Variants in TNFRSF4 observed in about 807,000 individuals in gnomAD.
TNFRSF4 encodes the protein tumor necrosis factor receptor superfamily member 4.
In TNFRSF4, 21 loss-of-function variants were observed where a neutral mutation model predicts 29.5. The observed-to-expected ratio is 0.71, with a 90% CI of 0.51 to 1.03. The LOEUF is 1.03. Ranked by LOEUF, TNFRSF4 falls within the 50% of genes least tolerant of loss-of-function variation. The pLI, the probability that TNFRSF4 is intolerant of heterozygous loss-of-function variation, is 0.00. For synonymous variants in TNFRSF4, 197 were observed against 172.7 expected, an observed-to-expected ratio of 1.14 and a Z score of -1.10; for missense variants, 408 against 387.8, an observed-to-expected ratio of 1.05 and a Z score of -0.44.
At chr1:1,212,596 ACC>A (rs33986159) in intron 4 of TNFRSF4, 40 bp downstream of exon 4, 4 of 845,422 alleles carry the variant, frequency 4.7e-6, no homozygotes, top group Non-Finnish European at 4.6e-6. Context: ...AACCACCCCA[ACC>A]CCCCCCCAGC....
rs185706311 is a variant in TNFRSF4 at position 1,213,251 on chromosome 1, C to T, written c.269-158G>A. The stretch of plus-strand genomic sequence containing the variant: ...TGAGACTTGGAGCCCCTGCAGCCCC[C>T]GAGGCTCCTGGGCCCTCCCTTCCTG... On this transcript the variant is annotated intron_variant, in intron 2 of 6. Coordinates refer to ENST00000379236, the MANE Select transcript of TNFRSF4 (RefSeq NM_003327.4). The T allele has an allele frequency of 4.4e-4, 674 of 1,533,558 alleles. 5 individuals carry two copies. In the African/African-American group the frequency reaches 7.6e-3, roughly 17 times the overall value. 95.0% of individuals were successfully genotyped at this position (1,533,558 alleles called of 1,614,324 possible).
At chr1:1,212,351 G>C (rs1217658682) in intron 4 of TNFRSF4, among the ~76,000 whole-genome samples, 1 of 151,076 alleles carries the variant, frequency 6.6e-6, no homozygotes, top group Non-Finnish European at 1.5e-5. Context: ...CCCCCCACCA[G>C]CACCTCCCTG....
At chr1:1,212,808 T>C (rs1000558686) in intron 3 of TNFRSF4, 104 bp from the exon 4 acceptor site, 22 of 1,257,558 alleles carry the variant, frequency 1.7e-5, no homozygotes, top group Non-Finnish European at 2.4e-5. Context: ...GGCTGGGTGG[T>C]GGGTTTGGCC....
chr1:1,212,739 C>T, intron 3 of TNFRSF4, 35 bp from the exon 4 acceptor site: 1 of 1,502,700 alleles, frequency 6.7e-7, no homozygotes, highest in Non-Finnish European at 8.9e-7. Context: ...GGGCTGCCCA[C>T]AGGCCCCGGG....
chr1:1,213,116 G>C (rs748260986), intron 2 of TNFRSF4, 23 bp from the exon 3 acceptor site: 3 of 1,594,268 alleles, frequency 1.9e-6, no homozygotes, highest in Admixed American at 1.7e-5. Context: ...CGGATGGGGG[G>C]GTGGTCAGGT....
Position 1,211,722 on chromosome 1 carries a change from C to T in TNFRSF4, c.745G>A (p.Asp249Asn), listed in dbSNP as rs754604681. 7.6e-6 allele frequency: 12 copies of T among 1,585,052 alleles called. No homozygotes were observed. Among genetic ancestry groups the T allele is most frequent in the Middle Eastern group, 1.7e-4 (1 of 5,982 alleles). The change falls in exon 6 of 7, where the codon GAT (aspartate) becomes AAT (asparagine). Residue 249 changes from aspartate to asparagine, a missense_variant. Asp to Asn is a conservative substitution (Grantham distance 23, BLOSUM62 1). Transcript: ENST00000379236. ...LLRRDQRLPPDAHKPPGGGSF... is the reference protein window; with the variant it reads ...LLRRDQRLPPNAHKPPGGGSF... The stretch of plus-strand genomic sequence containing the variant: ...CACTCACCAGGGGGCTTGTGGGCAT[C>T]GGGGGGCAGCCTCTGGTCCCTCCGG...
chr1:1,212,823 G>A, intron 3 of TNFRSF4, 119 bp from the exon 4 acceptor site: 2 of 1,230,372 alleles, frequency 1.6e-6, no homozygotes, highest in Non-Finnish European at 2.2e-6. Context: ...TTGGCCTCTG[G>A]AAGCCCTCCC....
In TNFRSF4 at chr1:1,214,143, C is replaced by T. The variant is rs1411539532; in HGVS notation, c.-16G>A. The T allele has an allele frequency of 1.5e-5, 23 of 1,566,574 alleles. No individual in the cohort carries two copies. The highest frequency in any genetic ancestry group is 3.5e-5 in the South Asian group (3 of 86,680). On this transcript the variant is annotated 5_prime_UTR_variant, in exon 1 of 7. Coordinates refer to ENST00000379236, the MANE Select transcript of TNFRSF4 (RefSeq NM_003327.4). The surrounding 1 kb of genome is among the most constrained non-coding windows in gnomAD (Gnocchi z 4.2). The stretch of plus-strand genomic sequence containing the variant: ...CCACGCACATCCTCGTCTCTGCTGT[C>T]GCCAGAGTCTGGGTTTTCCTTGCGG...
chr1:1,213,949 T>C, intron 1 of TNFRSF4, 34 bp downstream of exon 1: 1 of 1,495,042 alleles, frequency 6.7e-7, no homozygotes, highest in Non-Finnish European at 8.9e-7. Context: ...GTCCCTGGAG[T>C]GCCCGTGCGT....
rs1031523267 is a variant in TNFRSF4 at position 1,211,371 on chromosome 1, G to A, written c.*184C>T. 15 of 504,140 alleles carry A rather than the reference G, an allele frequency of 3.0e-5. No individual in the cohort carries two copies. Among genetic ancestry groups the A allele is most frequent in the South Asian group, 9.5e-5 (2 of 21,102 alleles). 31.2% of individuals were successfully genotyped at this position (504,140 alleles called of 1,614,324 possible). On this transcript the variant is annotated 3_prime_UTR_variant, in exon 7 of 7. Transcript: ENST00000379236. ...CTGCCAAGGTTTTTATTGTGGTCCC[G>A]CGGGGCAGGAGGTATGCATGGCATA...
In TNFRSF4 at chr1:1,214,099, C is replaced by G. The variant is rs774474644; in HGVS notation, c.29G>C (p.Arg10Pro). Residue 10 changes from arginine (R) to proline (P), a missense_variant, in exon 1 of 7, where the codon CGC becomes CCC. By Grantham distance (103) the Arg-to-Pro change is moderately radical (BLOSUM62 -2). Transcript: ENST00000379236. The surrounding 1 kb of genome is among the most constrained non-coding windows in gnomAD (Gnocchi z 4.2). ...GAGGAGCAGAGCCGCACACGGCCCG[C>G]GGCCCAGCCGCCGAGCCCCCACGCA... MCVGARRLG[R>P]GPCAALLLLG... The G allele has an allele frequency of 4.4e-6, 7 of 1,585,268 alleles. No individual in the cohort carries two copies. The highest frequency in any genetic ancestry group is 1.7e-6 in the Non-Finnish European group (2 of 1,171,154).
rs1216335135 is a variant in TNFRSF4, at chr1:1,213,201, G to T, written c.269-108C>A. ...TGGCCTCCCCACCACACAGAGGGCC[G>T]TGGGCAGGGGTCTGCGGCCTCCCCT... On this transcript the variant is annotated intron_variant, in intron 2 of 6. Coordinates refer to ENST00000379236, the MANE Select transcript of TNFRSF4 (RefSeq NM_003327.4). 5 of 1,535,944 alleles carry T rather than the reference G, an allele frequency of 3.3e-6. No individual in the cohort carries two copies. The East Asian group carries it at 1.2e-4, about 38-fold the overall frequency.
intron 4 of TNFRSF4, 24 bp downstream of exon 4, chr1:1,212,614 C>A: frequency 6.6e-7 from 1 of 1,513,668 alleles, no homozygotes; most frequent in South Asian, 1.2e-5. Context: ...CCAGCCCCTC[C>A]CAGCCCCTGG....
chr1:1,211,925 G>A lies in TNFRSF4; in HGVS notation c.634+17C>T. 1.3e-6 allele frequency: 2 copies of A among 1,531,338 alleles called. No individual in the cohort carries two copies. The highest frequency in any genetic ancestry group is 8.7e-7 in the Non-Finnish European group (1 of 1,143,332). The allele number at this position is 1,531,338 out of a possible 1,614,324, so 94.9% of individuals were successfully genotyped here. On this transcript the variant is annotated intron_variant, in intron 5 of 6. Coordinates refer to ENST00000379236, the MANE Select transcript of TNFRSF4 (RefSeq NM_003327.4). ...TTCGGGTTGGGGGCCCCGCTGGGCT[G>A]GGCCAGGCGCCCTTACCCCCGGGGA...
rs1192325522 is a variant in TNFRSF4, at chr1:1,212,999, A to G, written c.363T>C (p.Pro121=). The stretch of plus-strand genomic sequence containing the variant: ...CGCAGCCACCGAGCTCACCAACTCC[A>G]GGCTTGTAGCTGTCCAGGGGCTGGG... ...AGTQPLDSYK[P]GVDCAPCPPG... Residue 121 remains proline, a synonymous_variant, in exon 3 of 7, where the codon CCT becomes CCC. Coordinates refer to ENST00000379236, the MANE Select transcript of TNFRSF4 (RefSeq NM_003327.4). 6.2e-7 allele frequency: 1 copy of G among 1,610,682 alleles called. No individual in the cohort carries two copies. The highest frequency in any genetic ancestry group is 1.3e-5 in the African/African-American group (1 of 74,966).
chr1:1,213,386 C>T (rs1490394436), intron 2 of TNFRSF4: 1 of 1,532,346 alleles, frequency 6.5e-7, no homozygotes, highest in African/African-American at 1.4e-5. Flanking sequence ...CCCAACCCCC[C>T]AGCCTCACTG....
chr1:1,211,590 G>T lies in TNFRSF4; in HGVS notation c.799C>A (p.Gln267Lys). 1 of 1,524,900 alleles carries T rather than the reference G, an allele frequency of 6.6e-7. No homozygotes were observed. Among genetic ancestry groups the T allele is most frequent in the South Asian group, 1.3e-5 (1 of 78,278 alleles). 94.5% of individuals were successfully genotyped at this position (1,524,900 alleles called of 1,614,324 possible). The part of the protein sequence containing the change: ...GSFRTPIQEE[Q>K]ADAHSTLAKI ...GCCAGGGTGGAGTGGGCGTCGGCCT[G>T]CTCCTCTTGGATGGGGGTCCGGAAA... The change falls in exon 7 of 7, where the codon CAG becomes AAG. Residue 267 changes from glutamine (Q) to lysine (K), a missense_variant. Gln to Lys is a moderately conservative substitution (Grantham distance 53). Transcript: ENST00000379236.
At position 1,211,697 on chromosome 1, in the gene TNFRSF4, C is replaced by T. The variant is rs993898516; in HGVS notation, c.763+7G>A. The T allele has an allele frequency of 5.0e-6, 8 of 1,590,564 alleles. No individual in the cohort carries two copies. Among genetic ancestry groups the T allele is most frequent in the Non-Finnish European group, 6.0e-6 (7 of 1,168,708 alleles). On this transcript the variant is annotated splice_region_variant and intron_variant, in intron 6 of 6. Transcript: ENST00000379236. ...GGAGCAGTGCGGCAGGGCCATGAGG[C>T]ACTCACCAGGGGGCTTGTGGGCATC...
chr1:1,213,536 C>G, intron 2 of TNFRSF4, 127 bp downstream of exon 2: 1 of 1,467,924 alleles, frequency 6.8e-7, no homozygotes, highest in Non-Finnish European at 9.0e-7. Flanking sequence ...TGTGGCGGAG[C>G]AGACCCCGCT....
Sources: gnomAD v4.1 joint callset for allele counts (sites outside exome capture counted in the v4.1 genomes callset) on GRCh38, gnomAD v4.1.1 for gene constraint, Gnocchi (gnomAD v3.1) non-coding constraint, MANE v1.5 for transcripts, NCBI Gene and HGNC (gene_info 2026-07-23, HGNC 2026-07-21) for gene names.